The following PRAMEF14 variants were observed in gnomAD, a reference collection of about 807,000 sequenced individuals.
The protein encoded by PRAMEF14 is PRAME family member 14.
In PRAMEF14, 24 loss-of-function variants were observed where a neutral mutation model predicts 38.3. The observed-to-expected ratio is 0.63, with a 90% CI of 0.45 to 0.88. The LOEUF (loss-of-function observed/expected upper bound fraction) is 0.88, where lower values mean the gene tolerates loss of function less well. Among genes scored for constraint, PRAMEF14 ranks in the 40% least tolerant of loss-of-function variants. The pLI, the probability that PRAMEF14 is intolerant of heterozygous loss-of-function variation, is 0.00. For synonymous variants in PRAMEF14, 194 were observed against 226.4 expected, an observed-to-expected ratio of 0.86 and a Z score of 1.29; for missense variants, 477 against 570.8, an observed-to-expected ratio of 0.84 and a Z score of 1.67.
chr1:13,346,092 G>A (rs1640400248), intron 1 of PRAMEF14, among the ~76,000 whole-genome samples: 1 of 150,928 alleles, frequency 6.6e-6, no homozygotes, highest in Non-Finnish European at 1.5e-5. Flanking sequence ...CCCAGCTCAG[G>A]GCCCTGCACT....
chr1:13,346,866 A>G (rs1297411063), intron 1 of PRAMEF14, among the ~76,000 whole-genome samples, 191 bp downstream of exon 1: 1 of 150,448 alleles, frequency 6.6e-6, no homozygotes, highest in Non-Finnish European at 1.5e-5. Context: ...TAAAATGACA[A>G]AAACTAAGCA....
chr1:13,345,992 A>C (rs1640398543), intron 1 of PRAMEF14, among the ~76,000 whole-genome samples: 1 of 150,994 alleles, frequency 6.6e-6, no homozygotes, highest in Admixed American at 6.6e-5. Flanking sequence ...AATGTTAGCC[A>C]GGTGTGGTCA....
chr1:13,344,244 C>A lies in PRAMEF14; in HGVS notation c.660G>T (p.Leu220=), dbSNP rs1326764989. 5.0e-6 allele frequency: 8 copies of A among 1,607,792 alleles called. No individual in the cohort carries two copies. In the African/African-American group the frequency reaches 1.1e-4, roughly 22 times the overall value. Residue 220 remains leucine, a synonymous_variant, in exon 3 of 4, where the codon CTG becomes CTT. Transcript: ENST00000334600. Reference sequence around the variant, plus strand: ...TCAGGTAACAACGAAGCTTTCTTATCAGACGTGGCCAGGACATGTTGCGAA... The same window carrying A: ...TCAGGTAACAACGAAGCTTTCTTATAAGACGTGGCCAGGACATGTTGCGAA... ...LEIRNMSWPR[L]IRKLRCYLKE...
intron 3 of PRAMEF14, chr1:13,343,446 T>C (rs1184904116): frequency 5.3e-6 from 3 of 563,094 alleles, no homozygotes; most frequent in Non-Finnish European, 9.2e-6. Flanking sequence ...TAGGGCTACA[T>C]GTCGGCAGGG....
chr1:13,345,911 T>C (rs1640396963), intron 1 of PRAMEF14, among the ~76,000 whole-genome samples: 3 of 151,648 alleles, frequency 2.0e-5, no homozygotes, highest in South Asian at 4.2e-4. Flanking sequence ...ATCTCACCAC[T>C]GCTCTCCAGC....
Position 13,342,010 on chromosome 1 carries a change from T to C in PRAMEF14, c.*518A>G, listed in dbSNP as rs1640333785. The stretch of plus-strand genomic sequence containing the variant: ...TCAATAACTAGATATTTCTGGTGGA[T>C]AAATTGCTACAACAGGTTAAAAGTT... On this transcript the variant is annotated 3_prime_UTR_variant, in exon 4 of 4. Transcript: ENST00000334600. The C allele has an allele frequency of 6.3e-6, 1 of 158,084 alleles. No individual in the cohort carries two copies. The highest frequency in any genetic ancestry group is 5.8e-5 in the Admixed American group (1 of 17,102). 9.8% of individuals were successfully genotyped at this position (158,084 alleles called of 1,614,324 possible). A position where few individuals can be genotyped will look rare whatever the true frequency, so the allele number is the denominator to read the frequency against.
At position 13,344,460 on chromosome 1, in the gene PRAMEF14, C is replaced by A. The variant is rs1280635047; in HGVS notation, c.444G>T (p.Lys148Asn). 31 of 1,606,940 alleles carry A rather than the reference C, an allele frequency of 1.9e-5. 1 individual carries two copies. Among genetic ancestry groups the A allele is most frequent in the Non-Finnish European group, 2.6e-5 (31 of 1,178,842 alleles). ...CPRMGEHQPL[K>N]VFIDICLKEI... is the part of the protein sequence containing the mutation. Reference sequence around the variant, plus strand: ...CCTTGAGGCAGATGTCTATGAACACCTTTAAGGGCTGGTGCTCTCCCATCC... The same window carrying A: ...CCTTGAGGCAGATGTCTATGAACACATTTAAGGGCTGGTGCTCTCCCATCC... The change falls in exon 3 of 4, where the codon AAG becomes AAT. Residue 148 changes from lysine to asparagine, a missense_variant. Coordinates refer to ENST00000334600, the MANE Select transcript of PRAMEF14 (RefSeq NM_001024661.2).
chr1:13,345,336 A>T lies in PRAMEF14; in HGVS notation c.-22T>A. 2 of 1,603,520 alleles carry T rather than the reference A, an allele frequency of 1.2e-6. No homozygotes were observed. The highest frequency in any genetic ancestry group is 1.7e-6 in the Non-Finnish European group (2 of 1,176,732). On this transcript the variant is annotated 5_prime_UTR_variant, in exon 2 of 4. Transcript: ENST00000334600. ...TCATCCTGATAGATCTGCAAGAAAA[A>T]TCTCTAGAAGACAAATCCAGGGAAA...
rs1228679211 is a variant in PRAMEF14 at position 13,344,683 on chromosome 1, T to G, written c.288-67A>C. On this transcript the variant is annotated intron_variant, in intron 2 of 3. Coordinates refer to ENST00000334600, the MANE Select transcript of PRAMEF14 (RefSeq NM_001024661.2). ...TCATCCCTGACCTTTGCTTTCATTC[T>G]CATCCCATAAATCAGCTGCTCCTGT... 5 of 1,596,800 alleles carry G rather than the reference T, an allele frequency of 3.1e-6. 1 individual carries two copies. In the East Asian group the frequency reaches 1.2e-4, roughly 38 times the overall value.
intron 3 of PRAMEF14, 31 bp from the exon 4 acceptor site, chr1:13,343,117 A>G (rs1399730544): frequency 1.1e-5 from 17 of 1,604,988 alleles, no homozygotes; most frequent in South Asian, 5.5e-5. Flanking sequence ...GTTCTGGGCA[A>G]TGGTACCAGT....
intron 1 of PRAMEF14, among the ~76,000 whole-genome samples, chr1:13,346,513 C>T (rs1202895800): frequency 0.028 from 4,157 of 149,942 alleles, 198 homozygotes; most frequent in Non-Finnish European, 0.045. Context: ...ATCTCAAAAA[C>T]TGTAAAAGTG....
In PRAMEF14 at chr1:13,344,337, T is replaced by C; in HGVS notation, c.567A>G (p.Leu189=). The change falls in exon 3 of 4, where the codon CTA becomes CTG. Residue 189 remains leucine (L), a synonymous_variant. Coordinates refer to ENST00000334600, the MANE Select transcript of PRAMEF14 (RefSeq NM_001024661.2). ...ACTTTCTGAGATGTTTAATCGGCGT[T>C]AGATAATTGACCAGCTTACTACAGC... ...HLCCSKLVNY[L]TPIKHLRKSL... The C allele has an allele frequency of 4.4e-6, 7 of 1,607,898 alleles. No individual in the cohort carries two copies. The highest frequency in any genetic ancestry group is 5.9e-6 in the Non-Finnish European group (7 of 1,178,328).
intron 3 of PRAMEF14, chr1:13,343,717 A>G (rs1640362875): frequency 9.7e-6 from 13 of 1,344,316 alleles, no homozygotes; most frequent in Admixed American, 2.5e-5. Flanking sequence ...TCTCTTTGAC[A>G]TCATATCAAC....
At chr1:13,346,907 C>T (rs1640411136) in intron 1 of PRAMEF14, 150 bp downstream of exon 1, 1 of 150,042 alleles carries the variant, frequency 6.7e-6, no homozygotes, top group African/African-American at 2.4e-5. Flanking sequence ...GAAGACAAAA[C>T]TACATTTAGA....
Position 13,342,581 on chromosome 1 carries a change from G to C in PRAMEF14, c.1372C>G (p.Pro458Ala), listed in dbSNP as rs1299631925. The change falls in exon 4 of 4, where the codon CCT (proline) becomes GCT (alanine). Residue 458 changes from proline (P) to alanine (A), a missense_variant. Physicochemically the swap from Pro to Ala is conservative, Grantham distance 27. Transcript: ENST00000334600. ...KRIFIGPTPC[P>A]SCGSSPSEEL... ...TCAGACGGTGATGAGCCACAGGAAG[G>C]GCAGGGGGTGGGACCAATGAAGATC... 3 of 1,604,596 alleles carry C rather than the reference G, an allele frequency of 1.9e-6. No homozygotes were observed. The African/African-American group carries it at 4.0e-5, about 22-fold the overall frequency.
At chr1:13,344,714 G>A in intron 2 of PRAMEF14, 98 bp from the exon 3 acceptor site, 9 of 1,521,136 alleles carry the variant, frequency 5.9e-6, no homozygotes, top group Non-Finnish European at 8.1e-6. Context: ...CCTGTCCTCA[G>A]TGCTCCCTGT....
chr1:13,342,329 A>G lies in PRAMEF14; in HGVS notation c.*199T>C, dbSNP rs1553125297. 0.024 allele frequency: 24,151 copies of G among 1,016,740 alleles called. 824 individuals are homozygous for G. The highest frequency in any genetic ancestry group is 0.17 in the East Asian group (5,095 of 30,116). 63.0% of individuals were successfully genotyped at this position (1,016,740 alleles called of 1,614,324 possible). ...GAAGCTGAGGCAGGAGGATCCCATA[A>G]GCCCAGCTGAGGCAGGAGGATCCCA... On this transcript the variant is annotated 3_prime_UTR_variant, in exon 4 of 4. Coordinates refer to ENST00000334600, the MANE Select transcript of PRAMEF14 (RefSeq NM_001024661.2).
Position 13,343,227 on chromosome 1 carries a change from G to C in PRAMEF14, c.867-141C>G, listed in dbSNP as rs1310883144. The C allele has an allele frequency of 9.3e-5, 63 of 680,856 alleles. 1 individual carries two copies. Among genetic ancestry groups the C allele is most frequent in the South Asian group, 1.3e-4 (7 of 51,986 alleles). 42.2% of individuals were successfully genotyped at this position (680,856 alleles called of 1,614,324 possible). The stretch of plus-strand genomic sequence containing the variant: ...ATGGTCCTCATGGAAGTTGCTGCAT[G>C]ATGAGGACCCTGATCGTTCAGGGGC... On this transcript the variant is annotated intron_variant, in intron 3 of 3. Transcript: ENST00000334600.
Position 13,343,838 on chromosome 1 carries a change from C to T in PRAMEF14, c.866+200G>A, listed in dbSNP as rs1284465743. On this transcript the variant is annotated intron_variant, in intron 3 of 3. Transcript: ENST00000334600. ...CTCTCTAGCTTCTACCCCAGGTGAC[C>T]CCTCTGCCCTTATTGGAGCGTTCCT... 2.0e-5 allele frequency: 30 copies of T among 1,491,938 alleles called. 1 individual carries two copies. Among genetic ancestry groups the T allele is most frequent in the Admixed American group, 4.3e-5 (2 of 46,770 alleles). 92.4% of individuals were successfully genotyped at this position (1,491,938 alleles called of 1,614,324 possible).
Sources: gnomAD v4.1 joint callset for allele counts (sites outside exome capture counted in the v4.1 genomes callset) on GRCh38, gnomAD v4.1.1 for gene constraint, MANE v1.5 for transcripts, NCBI Gene and HGNC (gene_info 2026-07-23, HGNC 2026-07-21) for gene names.